CUEDC1: variants seen among roughly 807,000 people sequenced by gnomAD.
CUEDC1 encodes CUE domain-containing protein 1.
CUEDC1 carries 30 observed loss-of-function variants against 43.7 expected under a neutral mutation model. The ratio of observed to expected loss-of-function variants is 0.69; its 90% confidence interval spans 0.51 to 0.93. The LOEUF (loss-of-function observed/expected upper bound fraction) is 0.93, where lower values mean the gene tolerates loss of function less well. Ranked by LOEUF, CUEDC1 falls within the 40% of genes least tolerant of loss-of-function variation. The pLI is 0.00. For missense variants in CUEDC1, 486 were observed against 549.0 expected (o/e 0.89, Z 1.15); for synonymous variants, 223 against 223.6 (o/e 1.00, Z 0.02).
At chr17:57,938,327 C>T (rs541235946) in intron 1 of CUEDC1, among the ~76,000 whole-genome samples, 82 of 152,358 alleles carry the variant, frequency 5.4e-4, no homozygotes, top group African/African-American at 1.9e-3. Flanking sequence ...ATAAACCTAG[C>T]TTAACCCCAG....
At position 57,955,118 on chromosome 17, in the gene CUEDC1, A is replaced by AGAAGGTGG. The variant is rs1416960629; in HGVS notation, c.-316+99_-316+106dup. On this transcript the variant is annotated intron_variant, in intron 1 of 10. Transcript: ENST00000577830. This position sits in a 1 kb window ranked among gnomAD's most constrained non-coding sequence, Gnocchi z 5.3. ...GGCGGCGCCTGGGCAACGGGTCCCG[A>AGAAGGTGG]GAAGGTGGGGCCGCTGGGCCGGGGC... The AGAAGGTGG allele has an allele frequency of 6.8e-6, 1 of 148,092 alleles. No homozygotes were observed. The highest frequency in any genetic ancestry group is 1.5e-5 in the Non-Finnish European group (1 of 66,700). The allele number at this position is 148,092 out of a possible 1,614,324, so 9.2% of individuals were successfully genotyped here. A position where few individuals can be genotyped will look rare whatever the true frequency, so the allele number is the denominator to read the frequency against.
chr17:57,866,422 G>C, intron 10 of CUEDC1, 52 bp downstream of exon 10: 1 of 1,558,956 alleles, frequency 6.4e-7, no homozygotes, highest in Non-Finnish European at 8.8e-7. Flanking sequence ...TGCATAGTGT[G>C]GGGGGCCCTG....
chr17:57,902,199 AAAAAAC>A (rs1351643571), intron 1 of CUEDC1, among the ~76,000 whole-genome samples: 3 of 151,638 alleles, frequency 2.0e-5, no homozygotes, highest in South Asian at 2.1e-4. Context: ...CTCAGAAAAA[AAAAAAC>A]AAAAAACAAA....
In CUEDC1 at chr17:57,881,644, T is replaced by C. The variant is rs910864392; in HGVS notation, c.337-1906A>G. Among the ~76,000 whole-genome samples, 5 of 151,912 alleles carry C rather than the reference T, an allele frequency of 3.3e-5. No individual in the cohort carries two copies. The East Asian group carries it at 9.7e-4, about 29-fold the overall frequency. On this transcript the variant is annotated intron_variant, in intron 2 of 10. Coordinates refer to ENST00000577830, the MANE Select transcript of CUEDC1 (RefSeq NM_001271875.2). ...CTATTCCCACTGATATGGGTCAGAG[T>C]GAGGTGGGTGAGCAGGGGAGGAGAG... is the stretch of plus-strand genomic sequence containing the variant.
chr17:57,890,760 C>G (rs1461660697), intron 1 of CUEDC1, among the ~76,000 whole-genome samples: 1 of 152,228 alleles, frequency 6.6e-6, no homozygotes, highest in East Asian at 1.9e-4. Flanking sequence ...GTTCATCTGG[C>G]CTTGCCCAAG....
chr17:57,895,190 G>A (rs1265242293), intron 1 of CUEDC1, among the ~76,000 whole-genome samples: 5 of 152,182 alleles, frequency 3.3e-5, no homozygotes, highest in South Asian at 2.1e-4. Context: ...AAAATGAGGC[G>A]TAGAAGGGTT....
chr17:57,865,700 G>A (rs1597964712), intron 10 of CUEDC1, among the ~76,000 whole-genome samples: 2 of 152,318 alleles, frequency 1.3e-5, no homozygotes, highest in African/African-American at 4.8e-5. Flanking sequence ...GCCAGAAACC[G>A]CTGCCTCAGG....
chr17:57,931,149 G>C (rs975607571), intron 1 of CUEDC1, among the ~76,000 whole-genome samples: 2 of 152,064 alleles, frequency 1.3e-5, no homozygotes, highest in Non-Finnish European at 2.9e-5. Context: ...ATTAGCTGGA[G>C]GTGGTGGCAC....
intron 1 of CUEDC1, among the ~76,000 whole-genome samples, chr17:57,952,636 C>T (rs2075018174): frequency 6.6e-6 from 1 of 152,200 alleles, no homozygotes; most frequent in South Asian, 2.1e-4. Context: ...CTGTCAGACA[C>T]CCAGCTTCCT....
chr17:57,879,168 A>G (rs1019327784), intron 3 of CUEDC1, among the ~76,000 whole-genome samples: 2 of 152,192 alleles, frequency 1.3e-5, no homozygotes, highest in African/African-American at 4.8e-5. Flanking sequence ...CTGGCTGGGA[A>G]TGCTGTGTTC....
intron 8 of CUEDC1, chr17:57,867,654 T>C: frequency 1.7e-6 from 1 of 577,918 alleles, no homozygotes; most frequent in Non-Finnish European, 3.1e-6. Context: ...GCTTCCTCCC[T>C]GTTTCCCTCT....
intron 1 of CUEDC1, among the ~76,000 whole-genome samples, chr17:57,894,787 C>T (rs560805889): frequency 2.0e-5 from 3 of 152,300 alleles, no homozygotes; most frequent in South Asian, 2.1e-4. Context: ...GGGGCAGGGA[C>T]GAGGGCAAGA....
At chr17:57,899,637 C>A (rs2074450581) in intron 1 of CUEDC1, among the ~76,000 whole-genome samples, 1 of 152,164 alleles carries the variant, frequency 6.6e-6, no homozygotes, top group Non-Finnish European at 1.5e-5. Context: ...CTCACTGCCA[C>A]ACACACCAGC....
At chr17:57,949,216 TGGCA>T (rs1398555979) in intron 1 of CUEDC1, among the ~76,000 whole-genome samples, 1 of 152,220 alleles carries the variant, frequency 6.6e-6, no homozygotes, top group Non-Finnish European at 1.5e-5. Flanking sequence ...CTCTTCTGGC[TGGCA>T]AAGTGCCCCC....
rs1310012290 is a variant in CUEDC1 at position 57,884,249 on chromosome 17, G to A, written c.336+980C>T. 3.6e-5 allele frequency among the ~76,000 whole-genome samples: 5 copies of A among 140,348 alleles called. No individual in the cohort carries two copies. The Admixed American group carries it at 3.7e-4, about 10-fold the overall frequency. 92.1% of individuals were successfully genotyped at this position (140,348 alleles called of 152,430 possible). ...GCCTTGTTCTGTCACCCAGGCTGGA[G>A]TGCAGTGGCATGATCTCGGCTCACT... On this transcript the variant is annotated intron_variant, in intron 2 of 10. Coordinates refer to ENST00000577830, the MANE Select transcript of CUEDC1 (RefSeq NM_001271875.2).
At position 57,946,160 on chromosome 17, in the gene CUEDC1, T is replaced by G. The variant is rs117638465; in HGVS notation, c.-316+9065A>C. ...GCACAGGCATTCTGATTCAGTATTC[T>G]TAATTACATACCATTGGTCTTTTCA... On this transcript the variant is annotated intron_variant, in intron 1 of 10. Transcript: ENST00000577830. 6.1e-4 allele frequency among the ~76,000 whole-genome samples: 93 copies of G among 152,270 alleles called. No individual in the cohort carries two copies. The East Asian group carries it at 0.013, about 21-fold the overall frequency.
chr17:57,946,995 TAGCTCTCTCCC>T (rs1276411246), intron 1 of CUEDC1, among the ~76,000 whole-genome samples: 2 of 152,032 alleles, frequency 1.3e-5, no homozygotes, highest in Non-Finnish European at 2.9e-5. Context: ...TGGAGCTCAC[TAGCTCTCTCCC>T]AGCTGTGGGT....
intron 1 of CUEDC1, among the ~76,000 whole-genome samples, chr17:57,921,662 T>C (rs936174220): frequency 3.3e-5 from 5 of 152,228 alleles, no homozygotes; most frequent in African/African-American, 1.2e-4. Context: ...GTGTGCTTCC[T>C]GTCTGGGCGC....
At chr17:57,947,485 T>C (rs1203266866) in intron 1 of CUEDC1, among the ~76,000 whole-genome samples, 2 of 152,196 alleles carry the variant, frequency 1.3e-5, no homozygotes, top group African/African-American at 2.4e-5. Flanking sequence ...TTTCGTAAAT[T>C]TGAAAAACGA....
Sources: gnomAD v4.1 joint callset for allele counts (sites outside exome capture counted in the v4.1 genomes callset) on GRCh38, gnomAD v4.1.1 for gene constraint, Gnocchi (gnomAD v3.1) non-coding constraint, MANE v1.5 for transcripts, NCBI Gene and HGNC (gene_info 2026-07-23, HGNC 2026-07-21) for gene names.